ST8SIA4: variants seen among roughly 807,000 people sequenced by gnomAD.
The protein encoded by ST8SIA4 is CMP-N-acetylneuraminate-poly-alpha-2,8-sialyltransferase.
ST8SIA4 carries 15 observed loss-of-function variants against 33.9 expected under a neutral mutation model. That is an observed-to-expected ratio of 0.44 (90% CI 0.30 to 0.68). The LOEUF is 0.68. ST8SIA4 is among the 30% of genes least tolerant of loss of function. ST8SIA4 has a pLI of 0.10. For synonymous variants in ST8SIA4, 171 were observed against 151.2 expected, an observed-to-expected ratio of 1.13 and a Z score of -0.96; for missense variants, 321 against 428.0, an observed-to-expected ratio of 0.75 and a Z score of 2.21.
chr5:100,831,348 T>G (rs1362783257), intron 4 of ST8SIA4, among the ~76,000 whole-genome samples: 1 of 152,176 alleles, frequency 6.6e-6, no homozygotes, highest in Non-Finnish European at 1.5e-5. Flanking sequence ...AAGGACTGTA[T>G]AAAATGCCTT....
At chr5:100,870,074 C>G (rs539072259) in intron 3 of ST8SIA4, among the ~76,000 whole-genome samples, 9 of 152,120 alleles carry the variant, frequency 5.9e-5, no homozygotes, top group Non-Finnish European at 1.2e-4. Context: ...TCAATTCCCA[C>G]GTATGAGTGA....
rs528367578 is a variant in ST8SIA4 at position 100,826,961 on chromosome 5, T to TAC, written c.798-14834_798-14833dup. On this transcript the variant is annotated intron_variant, in intron 4 of 4. Coordinates refer to ENST00000231461, the MANE Select transcript of ST8SIA4 (RefSeq NM_005668.6). ...CTATTCAGATATATGTGTGTGTATA[T>TAC]ACACACACACACACACACACACACA... 2.9e-3 allele frequency among the ~76,000 whole-genome samples: 426 copies of TAC among 147,526 alleles called. 6 individuals are homozygous for TAC. Among genetic ancestry groups the TAC allele is most frequent in the African/African-American group, 9.0e-3 (364 of 40,474 alleles).
At position 100,889,513 on chromosome 5, in the gene ST8SIA4, T is replaced by C. The variant is rs138345785; in HGVS notation, c.246-2913A>G. 3.7e-3 allele frequency among the ~76,000 whole-genome samples: 556 copies of C among 152,078 alleles called. 4 individuals carry two copies. The highest frequency in any genetic ancestry group is 0.012 in the African/African-American group (519 of 41,558). ...GAAATCCAAAAGGGAAAATCTATTT[T>C]ATTTGGTCAAAAAAGTTAACACATG... On this transcript the variant is annotated intron_variant, in intron 2 of 4. Coordinates refer to ENST00000231461, the MANE Select transcript of ST8SIA4 (RefSeq NM_005668.6).
At chr5:100,868,534 A>C (rs2112453630) in intron 3 of ST8SIA4, among the ~76,000 whole-genome samples, 1 of 152,156 alleles carries the variant, frequency 6.6e-6, no homozygotes, top group Non-Finnish European at 1.5e-5. Context: ...TGTACGTTTA[A>C]TCATGTTATG....
intron 4 of ST8SIA4, among the ~76,000 whole-genome samples, chr5:100,815,501 G>A (rs544395746): frequency 1.4e-5 from 2 of 141,782 alleles, no homozygotes; most frequent in South Asian, 4.4e-4. Flanking sequence ...TTCTTCTGTT[G>A]TATGAAACAT....
rs183777561 is a variant in ST8SIA4 at position 100,827,526 on chromosome 5, T to C, written c.798-15397A>G. ...CAAATATGACTAGAGCTGCTGTGCA[T>C]TTGTATTCATTCCACCATGGAAACA... On this transcript the variant is annotated intron_variant, in intron 4 of 4. Coordinates refer to ENST00000231461, the MANE Select transcript of ST8SIA4 (RefSeq NM_005668.6). Among the ~76,000 whole-genome samples the C allele has an allele frequency of 3.3e-5, 5 of 152,328 alleles. No individual in the cohort carries two copies. In the East Asian group the frequency reaches 9.6e-4, roughly 29 times the overall value.
chr5:100,841,647 T>C (rs1031398431), intron 4 of ST8SIA4, among the ~76,000 whole-genome samples: 1 of 151,852 alleles, frequency 6.6e-6, no homozygotes, highest in African/African-American at 2.4e-5. Flanking sequence ...CCTTGCTTTG[T>C]TTGTGTGTTT....
chr5:100,902,443 C>G (rs1353072251), intron 1 of ST8SIA4, among the ~76,000 whole-genome samples: 1 of 151,968 alleles, frequency 6.6e-6, no homozygotes, highest in Non-Finnish European at 1.5e-5. Flanking sequence ...CTTCGAGAAA[C>G]CATCTATCTC....
chr5:100,852,984 A>T (rs1053864303), intron 4 of ST8SIA4, among the ~76,000 whole-genome samples: 1 of 152,182 alleles, frequency 6.6e-6, no homozygotes, highest in African/African-American at 2.4e-5. Flanking sequence ...CACACCCTAA[A>T]TTCTGTGTCT....
chr5:100,891,413 T>G (rs1267864877), intron 2 of ST8SIA4, among the ~76,000 whole-genome samples: 1 of 152,112 alleles, frequency 6.6e-6, no homozygotes, highest in African/African-American at 2.4e-5. Flanking sequence ...TTTTATTTGT[T>G]TGTTTTGAAA....
chr5:100,856,548 C>T (rs1039096079), intron 3 of ST8SIA4, 152 bp from the exon 4 acceptor site: 3 of 758,016 alleles, frequency 4.0e-6, no homozygotes, highest in Non-Finnish European at 6.4e-6. Context: ...ATTACATTTT[C>T]AATAAGTCTC....
At chr5:100,848,325 A>G (rs1163274296) in intron 4 of ST8SIA4, among the ~76,000 whole-genome samples, 1 of 151,094 alleles carries the variant, frequency 6.6e-6, no homozygotes, top group Non-Finnish European at 1.5e-5. Flanking sequence ...CTTGTATAGA[A>G]TAATAAACAT....
intron 1 of ST8SIA4, 37 bp downstream of exon 1, chr5:100,902,806 C>G: frequency 1.9e-6 from 3 of 1,541,986 alleles, no homozygotes; most frequent in Non-Finnish European, 9.0e-7. Flanking sequence ...TATGGCTTGA[C>G]TTTTTGTCAT....
chr5:100,819,610 G>T (rs1306358724), intron 4 of ST8SIA4, among the ~76,000 whole-genome samples: 2 of 152,186 alleles, frequency 1.3e-5, no homozygotes, highest in Middle Eastern at 3.2e-3. Context: ...TTCTTCAGAC[G>T]CAGAAGAGAC....
intron 4 of ST8SIA4, among the ~76,000 whole-genome samples, chr5:100,837,606 T>G (rs903767817): frequency 2.6e-5 from 4 of 152,118 alleles, no homozygotes; most frequent in Admixed American, 6.6e-5. Context: ...ATTTTTTCTT[T>G]TTTTGGAATT....
intron 3 of ST8SIA4, among the ~76,000 whole-genome samples, chr5:100,874,979 T>C (rs115779504): frequency 0.017 from 2,567 of 152,286 alleles, 30 homozygotes; most frequent in Admixed American, 0.026. Context: ...AAAAATAATA[T>C]CAATTGGACA....
At chr5:100,885,557 A>G (rs1222691011) in intron 3 of ST8SIA4, 1 of 925,658 alleles carries the variant, frequency 1.1e-6, no homozygotes, top group Non-Finnish European at 1.3e-6. Flanking sequence ...ATATTGTACT[A>G]TTTCATATTT....
At chr5:100,870,967 C>T (rs979419057) in intron 3 of ST8SIA4, among the ~76,000 whole-genome samples, 3 of 152,130 alleles carry the variant, frequency 2.0e-5, no homozygotes, top group Middle Eastern at 3.4e-3. Context: ...AGCAATGTTA[C>T]TATTCCTAAA....
chr5:100,895,194 A>G (rs1752754970), intron 2 of ST8SIA4, among the ~76,000 whole-genome samples: 1 of 152,074 alleles, frequency 6.6e-6, no homozygotes, highest in Admixed American at 6.6e-5. Context: ...TTAAAACATG[A>G]GCCCACACAG....
Sources: gnomAD v4.1 joint callset for allele counts (sites outside exome capture counted in the v4.1 genomes callset) on GRCh38, gnomAD v4.1.1 for gene constraint, MANE v1.5 for transcripts, NCBI Gene and HGNC (gene_info 2026-07-23, HGNC 2026-07-21) for gene names.